DDX17: variants seen among roughly 807,000 people sequenced by gnomAD.
The protein encoded by DDX17 is DEAD-box helicase 17.
A neutral mutation model predicts 80.8 loss-of-function variants in DDX17; 10 were observed. The ratio of observed to expected loss-of-function variants is 0.12; its 90% CI spans 0.08 to 0.21. The LOEUF is 0.21. Among genes scored for constraint, DDX17 ranks in the 10% least tolerant of loss-of-function variants. The probability of loss-of-function intolerance (pLI) is 1.00; values close to 1 mark genes in which losing one functional copy is unlikely to be tolerated. For synonymous variants in DDX17, 339 were observed against 336.2 expected, an observed-to-expected ratio of 1.01 and a Z score of -0.09; for missense variants, 586 against 957.4, an observed-to-expected ratio of 0.61 and a Z score of 5.12.
In DDX17 at chr22:38,505,496, G is replaced by A. The variant is rs1365093041; in HGVS notation, c.287+455C>T. On this transcript the variant is annotated intron_variant, in intron 1 of 12. Transcript: ENST00000403230. ...TGAACTCTGGGGAGAGAACGTCAAG[G>A]GTGCCATTTCGTGTAAGGCTTTCCT... The A allele has an allele frequency of 6.8e-5, 11 of 161,742 alleles. No individual in the cohort carries two copies. In the South Asian group the frequency reaches 7.8e-4, roughly 12 times the overall value. The allele number at this position is 161,742 out of a possible 1,614,324, so 10.0% of individuals were successfully genotyped here. A position where few individuals can be genotyped will look rare whatever the true frequency, so the allele number is the denominator to read the frequency against.
intron 5 of DDX17, among the ~76,000 whole-genome samples, chr22:38,497,872 A>G (rs1211192558): frequency 1.3e-5 from 2 of 152,214 alleles, no homozygotes; most frequent in Non-Finnish European, 2.9e-5. Flanking sequence ...GGTTTCTTTA[A>G]GAGTAAGACT....
chr22:38,506,225 A>G lies in DDX17; in HGVS notation c.13T>C (p.Phe5Leu), dbSNP rs2089882568. Residue 5 changes from phenylalanine (F) to leucine (L), a missense_variant, in exon 1 of 13, where the codon TTT becomes CTT. Coordinates refer to ENST00000403230, the MANE Select transcript of DDX17 (RefSeq NM_006386.5). ...AAAACACAGAGAATCGGGGCTACAA[A>G]GCCGGTGGGCAGGTTTGGCTACGCT... The G allele has an allele frequency of 6.2e-7, 1 of 1,604,982 alleles. No homozygotes were observed. Among genetic ancestry groups the G allele is most frequent in the Admixed American group, 1.7e-5 (1 of 58,594 alleles).
rs1226059759 is a variant in DDX17, at chr22:38,501,302, A to AG, written c.288-23dup. Reference sequence around the variant, plus strand: ...AAATCTAGGAACAGAATTTTTAGTTAGTTCATCAGTATTTTTAAAGCAACG... The same window carrying AG: ...AAATCTAGGAACAGAATTTTTAGTTAGGTTCATCAGTATTTTTAAAGCAACG... On this transcript the variant is annotated intron_variant, in intron 1 of 12. Transcript: ENST00000403230. The AG allele has an allele frequency of 3.1e-6, 5 of 1,597,302 alleles. No individual in the cohort carries two copies. In the African/African-American group the frequency reaches 6.8e-5, roughly 22 times the overall value.
In DDX17 at chr22:38,495,844, T is replaced by C. The variant is rs1475946682; in HGVS notation, c.832A>G (p.Ile278Val). 1.2e-6 allele frequency: 2 copies of C among 1,612,056 alleles called. No individual in the cohort carries two copies. The highest frequency in any genetic ancestry group is 1.7e-6 in the Non-Finnish European group (2 of 1,179,052). ...GGACCTTTAGGAGCACCTCCATAAATACAAGTACTCTTCAATCTAGAACAT... is the reference window on the plus strand; with the variant it reads ...GGACCTTTAGGAGCACCTCCATAAACACAAGTACTCTTCAATCTAGAACAT... The change falls in exon 6 of 13, where the codon ATT becomes GTT. Residue 278 changes from isoleucine to valine, a missense_variant. Transcript: ENST00000403230.
Position 38,485,827 on chromosome 22 carries a change from AAAAG to A in DDX17, c.*104_*107del. 7.1e-7 allele frequency: 1 copy of A among 1,399,656 alleles called. No homozygotes were observed. Among genetic ancestry groups the A allele is most frequent in the Non-Finnish European group, 9.3e-7 (1 of 1,076,014 alleles). 86.7% of individuals were successfully genotyped at this position (1,399,656 alleles called of 1,614,324 possible). A position where few individuals can be genotyped will look rare whatever the true frequency, so the allele number is the denominator to read the frequency against. Reference sequence around the variant, plus strand: ...GTTGGGGGGAAAAATTAAAAAAAAAAAAAGAAAAAAGGAAAAAAAAAGAAAAGGC... The same window carrying A: ...GTTGGGGGGAAAAATTAAAAAAAAAAAAAAAAGGAAAAAAAAAGAAAAGGC... On this transcript the variant is annotated 3_prime_UTR_variant, in exon 13 of 13. Transcript: ENST00000403230.
chr22:38,505,482 G>GA (rs1263777156), intron 1 of DDX17: 30 of 158,996 alleles, frequency 1.9e-4, no homozygotes, highest in African/African-American at 6.9e-4. Flanking sequence ...GAACTCTGGG[G>GA]AGAGAACGTC....
chr22:38,501,032 TA>T (rs1813425370), intron 2 of DDX17, 97 bp downstream of exon 2: 1 of 1,399,292 alleles, frequency 7.1e-7, no homozygotes, highest in Non-Finnish European at 9.5e-7. Flanking sequence ...CACACTAGAA[TA>T]AAATGTAAAA....
intron 5 of DDX17, 102 bp downstream of exon 5, chr22:38,497,983 G>T: frequency 1.9e-6 from 2 of 1,051,340 alleles, no homozygotes; most frequent in Non-Finnish European, 1.4e-6. Context: ...ACCTATGGAG[G>T]GTGTGGTTAA....
chr22:38,501,437 G>A (rs1244070870), intron 1 of DDX17, among the ~76,000 whole-genome samples, 157 bp from the exon 2 acceptor site: 1 of 152,176 alleles, frequency 6.6e-6, no homozygotes, highest in Admixed American at 6.5e-5. Flanking sequence ...ATGGAGAAAT[G>A]TGTAAAACCT....
chr22:38,493,933 G>A, intron 9 of DDX17, 88 bp downstream of exon 9: 1 of 1,248,748 alleles, frequency 8.0e-7, no homozygotes, highest in Non-Finnish European at 1.2e-6. Flanking sequence ...AGGCATTATT[G>A]AAATATTACA....
At chr22:38,493,921 A>T in intron 9 of DDX17, 100 bp downstream of exon 9, 1 of 1,191,326 alleles carries the variant, frequency 8.4e-7, no homozygotes, top group Non-Finnish European at 1.2e-6. Context: ...AACTGCATGG[A>T]TAGGCATTAT....
chr22:38,485,817 TA>T lies in DDX17; in HGVS notation c.*117del, dbSNP rs138440. 4,144 of 1,021,576 alleles carry T rather than the reference TA, an allele frequency of 4.1e-3. No homozygotes were observed. The highest frequency in any genetic ancestry group is 0.011 in the East Asian group (340 of 32,378). 63.3% of individuals were successfully genotyped at this position (1,021,576 alleles called of 1,614,324 possible). ...AATCACGATGGTTGGGGGGAAAAATTAAAAAAAAAAAAAGAAAAAAGGAAAA... is the reference window on the plus strand; with the variant it reads ...AATCACGATGGTTGGGGGGAAAAATTAAAAAAAAAAAAGAAAAAAGGAAAA... On this transcript the variant is annotated 3_prime_UTR_variant, in exon 13 of 13. Coordinates refer to ENST00000403230, the MANE Select transcript of DDX17 (RefSeq NM_006386.5).
chr22:38,504,100 C>T (rs967431430), intron 1 of DDX17, among the ~76,000 whole-genome samples: 4 of 152,118 alleles, frequency 2.6e-5, no homozygotes, highest in Non-Finnish European at 4.4e-5. Flanking sequence ...TAACTTGTAG[C>T]CCCTCTATGT....
At chr22:38,490,351 C>T in intron 11 of DDX17, 2 of 1,289,344 alleles carry the variant, frequency 1.6e-6, no homozygotes, top group Admixed American at 2.3e-5. Flanking sequence ...CTAAGTCTAG[C>T]CAAGAGGCTC....
chr22:38,488,456 T>C (rs1447852046), intron 11 of DDX17: 62 of 1,160,402 alleles, frequency 5.3e-5, no homozygotes, highest in Non-Finnish European at 6.4e-5. Flanking sequence ...ATTCCAGTAC[T>C]ATCCTTTACA....
chr22:38,489,394 C>T lies in DDX17; in HGVS notation c.1448-1279G>A. ...TGGCAGTGAGAAGTCCCCACACACG[C>T]TCGCTCTGTGAACTGGCTTAGATGC... On this transcript the variant is annotated intron_variant, in intron 11 of 12. Transcript: ENST00000403230. This position sits in a 1 kb window ranked among gnomAD's most constrained non-coding sequence, Gnocchi z 4.6. 3.0e-6 allele frequency: 3 copies of T among 985,816 alleles called. No homozygotes were observed. Among genetic ancestry groups the T allele is most frequent in the Non-Finnish European group, 3.6e-6 (3 of 829,944 alleles). The allele number at this position is 985,816 out of a possible 1,614,324, so 61.1% of individuals were successfully genotyped here. A position where few individuals can be genotyped will look rare whatever the true frequency, so the allele number is the denominator to read the frequency against.
At chr22:38,498,389 T>C (rs764851277) in intron 4 of DDX17, 51 bp downstream of exon 4, 1 of 1,608,230 alleles carries the variant, frequency 6.2e-7, no homozygotes, top group Non-Finnish European at 8.5e-7. Context: ...ACAACTAGAA[T>C]AGCAAAATAA....
intron 2 of DDX17, among the ~76,000 whole-genome samples, chr22:38,500,499 G>C (rs781337376): frequency 2.0e-5 from 3 of 151,642 alleles, no homozygotes; most frequent in Non-Finnish European, 4.4e-5. Flanking sequence ...GGGTGACAGA[G>C]CAAGATTCCG....
At chr22:38,500,120 G>A (rs1206475833) in intron 2 of DDX17, among the ~76,000 whole-genome samples, 1 of 149,630 alleles carries the variant, frequency 6.7e-6, no homozygotes, top group Non-Finnish European at 1.5e-5. Context: ...AGGTTGCAGT[G>A]AGCCAAGATC....
Sources: gnomAD v4.1 joint callset for allele counts (sites outside exome capture counted in the v4.1 genomes callset) on GRCh38, gnomAD v4.1.1 for gene constraint, Gnocchi (gnomAD v3.1) non-coding constraint, MANE v1.5 for transcripts, NCBI Gene and HGNC (gene_info 2026-07-23, HGNC 2026-07-21) for gene names.